The following ATP13A1 variants were observed in gnomAD, a reference collection of about 807,000 sequenced individuals.
The protein encoded by ATP13A1 is endoplasmic reticulum transmembrane helix translocase.
ATP13A1 carries 55 observed loss-of-function variants against 134.8 expected under a neutral mutation model. The ratio of observed to expected loss-of-function variants is 0.41; its 90% CI spans 0.33 to 0.51. The LOEUF is 0.51. Among genes scored for constraint, ATP13A1 ranks in the 20% least tolerant of loss-of-function variants. The probability of loss-of-function intolerance (pLI) is 0.29; values close to 1 mark genes in which losing one functional copy is unlikely to be tolerated. For synonymous variants in ATP13A1, 775 were observed against 725.1 expected (o/e 1.07, Z -1.10); for missense variants, 1,389 against 1,652.8 (o/e 0.84, Z 2.77).
Position 19,653,678 on chromosome 19 carries a change from C to G in ATP13A1, c.2100+106G>C. The G allele has an allele frequency of 9.1e-7, 1 of 1,101,702 alleles. No homozygotes were observed. Among genetic ancestry groups the G allele is most frequent in the East Asian group, 2.6e-5 (1 of 38,678 alleles). The allele number at this position is 1,101,702 out of a possible 1,614,324, so 68.2% of individuals were successfully genotyped here. Reference sequence around the variant, plus strand: ...GAAGCTGGAGGCGGGGCAAGGAGGACAAAATCACAACCATTCAACCTGGCA... The same window carrying G: ...GAAGCTGGAGGCGGGGCAAGGAGGAGAAAATCACAACCATTCAACCTGGCA... On this transcript the variant is annotated intron_variant, in intron 15 of 25. Transcript: ENST00000357324. This position sits in a 1 kb window ranked among gnomAD's most constrained non-coding sequence, Gnocchi z 4.2.
Position 19,655,545 on chromosome 19 carries a change from G to A in ATP13A1, c.1379C>T (p.Ala460Val). Residue 460 changes from alanine (A) to valine (V), a missense_variant, in exon 10 of 26, where the codon GCC becomes GTC. Ala to Val is a moderately conservative substitution (Grantham distance 64). Around this residue, in one of 4 missense-constraint regions of ATP13A1, gnomAD observed 747 missense variants for 956.1 expected, o/e 0.78. Transcript: ENST00000357324. The surrounding 1 kb of genome is among the most constrained non-coding windows in gnomAD (Gnocchi z 5.7). ...GCGCTTACCTTCAATCCATACATAG[G>A]CAGCTGCAGCGATGGCAAACACCAG... ...FLLVFAIAAA[A>V]YVWIEGTKDP... 8.7e-6 allele frequency: 14 copies of A among 1,613,966 alleles called. No individual in the cohort carries two copies. The highest frequency in any genetic ancestry group is 1.0e-5 in the Non-Finnish European group (12 of 1,179,884).
rs764839027 is a variant in ATP13A1, at chr19:19,655,695, C to T, written c.1270-41G>A. On this transcript the variant is annotated intron_variant, in intron 9 of 25. Coordinates refer to ENST00000357324, the MANE Select transcript of ATP13A1 (RefSeq NM_020410.3). This position sits in a 1 kb window ranked among gnomAD's most constrained non-coding sequence, Gnocchi z 5.7. ...AACAGCCTTTCTGCTGTCTGGACTC[C>T]CTCCAGCAGCTCAGGCCTGGAAGCG... The T allele has an allele frequency of 6.5e-5, 103 of 1,595,606 alleles. No individual in the cohort carries two copies. The highest frequency in any genetic ancestry group is 8.2e-5 in the Non-Finnish European group (96 of 1,171,502).
Position 19,646,783 on chromosome 19 carries a change from G to A in ATP13A1, c.3105+346C>T, listed in dbSNP as rs111694397. 7.6e-3 allele frequency: 2,955 copies of A among 388,240 alleles called. 22 individuals carry two copies. The highest frequency in any genetic ancestry group is 0.011 in the Middle Eastern group (15 of 1,356). The allele number at this position is 388,240 out of a possible 1,614,324, so 24.0% of individuals were successfully genotyped here. Reference sequence around the variant, plus strand: ...ACGCCTTGGCCTGAGTGTCGGTGTCGCACAGGCCTCCCCAGCTGTCCACCA... The same window carrying A: ...ACGCCTTGGCCTGAGTGTCGGTGTCACACAGGCCTCCCCAGCTGTCCACCA... On this transcript the variant is annotated intron_variant, in intron 22 of 25. Transcript: ENST00000357324.
rs1268669715 is a variant in ATP13A1, at chr19:19,649,522, C to T, written c.2632+45G>A. ...TCTTTCTAGCTCAGTGACATGTCCT[C>T]AACACCTCGTCCACAAACGAAATAC... On this transcript the variant is annotated intron_variant, in intron 19 of 25. Transcript: ENST00000357324. 3.2e-6 allele frequency: 5 copies of T among 1,583,022 alleles called. No homozygotes were observed. The African/African-American group carries it at 6.7e-5, about 21-fold the overall frequency.
chr19:19,650,021 A>G, intron 17 of ATP13A1, 81 bp from the exon 18 acceptor site: 2 of 1,310,722 alleles, frequency 1.5e-6, no homozygotes, highest in South Asian at 1.4e-5. Flanking sequence ...GGACCCCAGC[A>G]CCAGCCAGTC....
chr19:19,663,632 G>T lies in ATP13A1; in HGVS notation c.35C>A (p.Pro12His). The change falls in exon 1 of 26, where the codon CCC (proline) becomes CAC (histidine). Residue 12 changes from proline (P) to histidine (H), a missense_variant. Around this residue, in one of 4 missense-constraint regions of ATP13A1, gnomAD observed 293 missense variants for 270.8 expected, o/e 1.08. Transcript: ENST00000357324. The part of the protein sequence containing the change: ...AAAAAVGNAV[P>H]CGARPCGVRP... ...GACCCCGCAAGGCCGGGCCCCGCAG[G>T]GCACCGCGTTGCCCACCGCCGCCGC... 1 of 1,326,492 alleles carries T rather than the reference G, an allele frequency of 7.5e-7. No homozygotes were observed. Among genetic ancestry groups the T allele is most frequent in the Non-Finnish European group, 9.6e-7 (1 of 1,041,952 alleles). The allele number at this position is 1,326,492 out of a possible 1,614,324, so 82.2% of individuals were successfully genotyped here.
intron 1 of ATP13A1, chr19:19,662,468 A>C (rs1304538489): frequency 1.8e-5 from 13 of 723,066 alleles, no homozygotes; most frequent in Non-Finnish European, 2.2e-5. Context: ...GATATACCTC[A>C]GTGTCCATGG....
In ATP13A1 at chr19:19,645,306, G is replaced by A. The variant is rs892080292; in HGVS notation, c.*116C>T. 4.2e-6 allele frequency: 5 copies of A among 1,198,386 alleles called. No homozygotes were observed. Among genetic ancestry groups the A allele is most frequent in the South Asian group, 1.5e-5 (1 of 68,958 alleles). The allele number at this position is 1,198,386 out of a possible 1,614,324, so 74.2% of individuals were successfully genotyped here. On this transcript the variant is annotated 3_prime_UTR_variant, in exon 26 of 26. Transcript: ENST00000357324. This position sits in a 1 kb window ranked among gnomAD's most constrained non-coding sequence, Gnocchi z 4.1. ...GGGGGTCCCAGCTCAGTCTTCCAAG[G>A]GCGAGACTGTACAGCCTTGCTGTGG...
At chr19:19,651,236 G>A (rs558006012) in intron 17 of ATP13A1, 3 of 152,920 alleles carry the variant, frequency 2.0e-5, no homozygotes, top group Non-Finnish European at 2.9e-5. Context: ...GGAGCGCTCC[G>A]CCTGGGGTCT....
rs377647865 is a variant in ATP13A1 at position 19,652,772 on chromosome 19, T to A, written c.2101-52A>T. Reference sequence around the variant, plus strand: ...CATCTGTCCCTCCCTCTGCCCACACTCTGCATTTCCTGAGCTCTGACCATG... The same window carrying A: ...CATCTGTCCCTCCCTCTGCCCACACACTGCATTTCCTGAGCTCTGACCATG... On this transcript the variant is annotated intron_variant, in intron 15 of 25. Transcript: ENST00000357324. 194 of 1,556,698 alleles carry A rather than the reference T, an allele frequency of 1.2e-4. 1 individual carries two copies. Among genetic ancestry groups the A allele is most frequent in the Middle Eastern group, 5.2e-4 (3 of 5,812 alleles).
rs774110578 is a variant in ATP13A1 at position 19,656,909 on chromosome 19, C to T, written c.914G>A (p.Arg305Gln). Residue 305 changes from arginine to glutamine, a missense_variant, in exon 6 of 26, where the codon CGA (arginine) becomes CAA (glutamine). Arg to Gln is a conservative substitution (Grantham distance 43). Transcript: ENST00000357324. The surrounding 1 kb of genome is among the most constrained non-coding windows in gnomAD (Gnocchi z 4.6). ...GGCAATGGGCCTCCACTTGCGGCTT[C>T]GGTAGACCTGGGCGGGGCATGGGTG... ...GNKPHMIQVY[R>Q]SRKWRPIASD... 1.9e-6 allele frequency: 3 copies of T among 1,611,218 alleles called. No individual in the cohort carries two copies. The highest frequency in any genetic ancestry group is 1.1e-5 in the South Asian group (1 of 90,688).
chr19:19,647,451 T>C lies in ATP13A1; in HGVS notation c.2871A>G (p.Ala957=), dbSNP rs144288905. Residue 957 remains alanine, a synonymous_variant, in exon 21 of 26, where the codon GCA becomes GCG. Coordinates refer to ENST00000357324, the MANE Select transcript of ATP13A1 (RefSeq NM_020410.3). The surrounding 1 kb of genome is among the most constrained non-coding windows in gnomAD (Gnocchi z 4.8). ...ATGAGAGCTTGGAGGTGAAGGGTGC[T>C]GCGATGCTGGCATCCCCCAGTTTCA... is the stretch of plus-strand genomic sequence containing the variant. ...PIVKLGDASI[A]APFTSKLSSI... is the part of the protein sequence containing the mutation. The C allele has an allele frequency of 3.1e-6, 5 of 1,613,394 alleles. No individual in the cohort carries two copies. The highest frequency in any genetic ancestry group is 4.2e-6 in the Non-Finnish European group (5 of 1,179,740).
At chr19:19,654,833 T>TCATAAAGACCCAG in intron 12 of ATP13A1, 133 bp from the exon 13 acceptor site, 2 of 1,115,286 alleles carry the variant, frequency 1.8e-6, no homozygotes, top group Non-Finnish European at 2.5e-6. Flanking sequence ...CAACTGGGTC[T>TCATAAAGACCCAG]TTATGAGACC....
At chr19:19,652,049 CCT>C (rs975945442) in intron 16 of ATP13A1, among the ~76,000 whole-genome samples, 1 of 152,046 alleles carries the variant, frequency 6.6e-6, no homozygotes, top group African/African-American at 2.4e-5. Flanking sequence ...ACAACCTGCC[CCT>C]GAGGTGGACC....
intron 3 of ATP13A1, among the ~76,000 whole-genome samples, chr19:19,658,051 A>C (rs2062070676): frequency 6.8e-6 from 1 of 147,854 alleles, no homozygotes; most frequent in Non-Finnish European, 1.5e-5. Context: ...TGGGAGGCTG[A>C]GGCAGGATGA....
Position 19,648,163 on chromosome 19 carries a change from AC to A in ATP13A1, c.2633-405del, listed in dbSNP as rs2061998946. On this transcript the variant is annotated intron_variant, in intron 19 of 25. Coordinates refer to ENST00000357324, the MANE Select transcript of ATP13A1 (RefSeq NM_020410.3). ...GCGAAACCCCGTCTCTACTAAAAAT[AC>A]AAAAATTAGCCAGGGGTGGTGGCAT... Among the ~76,000 whole-genome samples, 4 of 152,214 alleles carry A rather than the reference AC, an allele frequency of 2.6e-5. No homozygotes were observed. In the South Asian group the frequency reaches 8.3e-4, roughly 32 times the overall value.
At chr19:19,650,386 C>T (rs1241476496) in intron 17 of ATP13A1, 6 of 178,362 alleles carry the variant, frequency 3.4e-5, no homozygotes, top group Non-Finnish European at 6.0e-5. Flanking sequence ...TGACAGGGCC[C>T]CTGAGTTCTC....
At position 19,663,670 on chromosome 19, in the gene ATP13A1, T is replaced by G; in HGVS notation, c.-4A>C. On this transcript the variant is annotated 5_prime_UTR_variant, in exon 1 of 26. Transcript: ENST00000357324. ...CCACCGCCGCCGCTGCCGCCATCTT[T>G]CCTAGCGCCGCGCTCACTTCCGGGC... 1 of 1,280,300 alleles carries G rather than the reference T, an allele frequency of 7.8e-7. No homozygotes were observed. Among genetic ancestry groups the G allele is most frequent in the Non-Finnish European group, 9.8e-7 (1 of 1,017,076 alleles). The allele number at this position is 1,280,300 out of a possible 1,614,324, so 79.3% of individuals were successfully genotyped here.
Position 19,645,668 on chromosome 19 carries a change from G to T in ATP13A1, c.3483C>A (p.Gly1161=). 2.5e-6 allele frequency: 4 copies of T among 1,573,426 alleles called. No individual in the cohort carries two copies. The highest frequency in any genetic ancestry group is 2.6e-6 in the Non-Finnish European group (3 of 1,159,666). The change falls in exon 25 of 26, where the codon GGC becomes GGA. Residue 1161 remains glycine, a synonymous_variant. Transcript: ENST00000357324. The surrounding 1 kb of genome is among the most constrained non-coding windows in gnomAD (Gnocchi z 4.1). The stretch of plus-strand genomic sequence containing the variant: ...TGACCTCCACAGGGATGTCCACGAG[G>T]CCAAACTGGCTGTTGAAGTCGGGCG... The part of the protein sequence containing the change: ...GSSPDFNSQF[G]LVDIPVEFKL...
Sources: gnomAD v4.1 joint callset for allele counts (sites outside exome capture counted in the v4.1 genomes callset) on GRCh38, gnomAD v4.1.1 for gene constraint, gnomAD v4.1.1 regional missense constraint, Gnocchi (gnomAD v3.1) non-coding constraint, MANE v1.5 for transcripts, NCBI Gene and HGNC (gene_info 2026-07-23, HGNC 2026-07-21) for gene names.